RNF141: variants seen among roughly 807,000 people sequenced by gnomAD.
The protein encoded by RNF141 is ring finger protein 141, also known as C3HC4-like zinc finger protein.
Under a neutral mutation model 27.4 loss-of-function variants are expected in RNF141, and 18 were observed. The ratio of observed to expected loss-of-function variants is 0.66; its 90% confidence interval spans 0.45 to 0.97. RNF141 has a LOEUF of 0.97. Ranked by LOEUF, RNF141 falls within the 50% of genes least tolerant of loss-of-function variation. RNF141 has a pLI of 0.00. For missense variants in RNF141, 230 were observed against 279.4 expected (o/e 0.82, Z 1.26); for synonymous variants, 97 against 96.6 (o/e 1.00, Z -0.02).
chr11:10,515,209 C>A, intron 5 of RNF141, 143 bp from the exon 6 acceptor site: 1 of 890,254 alleles, frequency 1.1e-6, no homozygotes, highest in Non-Finnish European at 1.6e-6. Flanking sequence ...CCTCCTATCT[C>A]AATCTTCAAT....
intron 4 of RNF141, among the ~76,000 whole-genome samples, chr11:10,521,596 A>C (rs1275240218): frequency 6.6e-6 from 1 of 152,224 alleles, no homozygotes; most frequent in Admixed American, 6.5e-5. Context: ...AGTACTTAAA[A>C]TTTTGATTTG....
At chr11:10,515,138 C>T (rs1207983453) in intron 5 of RNF141, 72 bp from the exon 6 acceptor site, 15 of 1,467,792 alleles carry the variant, frequency 1.0e-5, no homozygotes, top group Non-Finnish European at 1.1e-5. Context: ...TAAAGTAATA[C>T]ATGCACATGG....
chr11:10,516,687 A>C (rs1156999516), intron 5 of RNF141: 1 of 152,292 alleles, frequency 6.6e-6, no homozygotes, highest in Non-Finnish European at 1.5e-5. Flanking sequence ...AGTCCCCTAA[A>C]GCTCACTGGG....
intron 3 of RNF141, 135 bp from the exon 4 acceptor site, chr11:10,525,508 G>A (rs982348499): frequency 4.8e-6 from 3 of 622,108 alleles, no homozygotes; most frequent in Non-Finnish European, 8.2e-6. Flanking sequence ...ACATAAGAAA[G>A]CAAGAGTCTG....
In RNF141 at chr11:10,519,051, C is replaced by G; in HGVS notation, c.525G>C (p.Gln175His). The G allele has an allele frequency of 6.2e-7, 1 of 1,613,836 alleles. No homozygotes were observed. The highest frequency in any genetic ancestry group is 8.5e-7 in the Non-Finnish European group (1 of 1,179,778). Reference sequence around the variant, plus strand: ...TAACTTACCATTTATCAATACACTTCTGACAAAAGCTGTGAGCACAAGGCA... The same window carrying G: ...TAACTTACCATTTATCAATACACTTGTGACAAAAGCTGTGAGCACAAGGCA... Reference protein sequence around the residue: ...LILPCAHSFCQKCIDKWSDRH... With the variant: ...LILPCAHSFCHKCIDKWSDRH... The change falls in exon 5 of 6, where the codon CAG becomes CAC. Residue 175 changes from glutamine to histidine, a missense_variant. Coordinates refer to ENST00000265981, the MANE Select transcript of RNF141 (RefSeq NM_016422.4).
At chr11:10,532,710 TAC>T (rs1306163226) in intron 2 of RNF141, among the ~76,000 whole-genome samples, 2 of 152,204 alleles carry the variant, frequency 1.3e-5, no homozygotes, top group African/African-American at 4.8e-5. Context: ...TCTAATATGT[TAC>T]AGATTGCTAA....
At chr11:10,525,884 C>G (rs1849932023) in intron 3 of RNF141, among the ~76,000 whole-genome samples, 1 of 152,000 alleles carries the variant, frequency 6.6e-6, no homozygotes, top group South Asian at 2.1e-4. Flanking sequence ...TGGACTTTTC[C>G]CAGAAGGCCA....
Position 10,512,198 on chromosome 11 carries a change from T to TAAA in RNF141, c.*2715_*2717dup. On this transcript the variant is annotated 3_prime_UTR_variant, in exon 6 of 6. Transcript: ENST00000265981. ...TAAGTACATTTAAGTACTTCATATTTAAAAAAGACAAAGCTGTACAGAATA... is the reference window on the plus strand; with the variant it reads ...TAAGTACATTTAAGTACTTCATATTTAAAAAAAAAGACAAAGCTGTACAGAATA... 1 of 152,688 alleles carries TAAA rather than the reference T, an allele frequency of 6.5e-6. No individual in the cohort carries two copies. The highest frequency in any genetic ancestry group is 6.5e-5 in the Admixed American group (1 of 15,292). 9.5% of individuals were successfully genotyped at this position (152,688 alleles called of 1,614,324 possible).
At chr11:10,533,612 T>C (rs1167563641) in intron 2 of RNF141, among the ~76,000 whole-genome samples, 1 of 152,044 alleles carries the variant, frequency 6.6e-6, no homozygotes, top group Non-Finnish European at 1.5e-5. Context: ...TACAGAAACC[T>C]TCTCAGTGTT....
intron 3 of RNF141, among the ~76,000 whole-genome samples, chr11:10,527,138 G>C (rs1849942894): frequency 6.6e-6 from 1 of 152,198 alleles, no homozygotes; most frequent in African/African-American, 2.4e-5. Flanking sequence ...AGTATTTATT[G>C]AGTACCATTA....
chr11:10,534,900 T>C (rs1406153831), intron 1 of RNF141, among the ~76,000 whole-genome samples: 1 of 152,146 alleles, frequency 6.6e-6, no homozygotes, highest in Non-Finnish European at 1.5e-5. Context: ...TAAAAAGACT[T>C]GTGGCTTGAA....
chr11:10,531,903 G>A (rs542289832), intron 2 of RNF141: 24 of 348,596 alleles, frequency 6.9e-5, no homozygotes, highest in Admixed American at 4.9e-4. Context: ...GCCAAGCTTC[G>A]TCCTGTATAG....
intron 4 of RNF141, 111 bp downstream of exon 4, chr11:10,525,081 G>GAAAAAAAACCACTGAGA (rs1554904293): frequency 3.1e-5 from 16 of 522,372 alleles, no homozygotes; most frequent in Non-Finnish European, 4.5e-5. Flanking sequence ...TACCAACTGA[G>GAAAAAAAACCACTGAGA]AAAAAAAAAA....
At chr11:10,521,725 T>C (rs1235512811) in intron 4 of RNF141, among the ~76,000 whole-genome samples, 2 of 152,198 alleles carry the variant, frequency 1.3e-5, no homozygotes, top group South Asian at 2.1e-4. Flanking sequence ...AGGATTTTAA[T>C]AGAAGACATT....
chr11:10,536,728 C>T (rs558943048), intron 1 of RNF141, among the ~76,000 whole-genome samples: 3 of 152,232 alleles, frequency 2.0e-5, no homozygotes, highest in Non-Finnish European at 4.4e-5. Flanking sequence ...CCTCCCAGGC[C>T]GAGGATTACA....
In RNF141 at chr11:10,539,701, A is replaced by ATATATATATATATATAC. The variant is rs10524171; in HGVS notation, c.-48+1420_-48+1421insGTATATATATATATATA. On this transcript the variant is annotated intron_variant, in intron 1 of 5. Transcript: ENST00000265981. ...AGAAAAAGATACATACATATATATT[A>ATATATATATATATATAC]GAGAGAGAAGGAGAGAGAAACTACA... 2.2e-4 allele frequency among the ~76,000 whole-genome samples: 7 copies of ATATATATATATATATAC among 31,466 alleles called. 1 individual carries two copies. Among genetic ancestry groups the ATATATATATATATATAC allele is most frequent in the Non-Finnish European group, 4.3e-4 (6 of 13,864 alleles). The allele number at this position is 31,466 out of a possible 152,430, so 20.6% of individuals were successfully genotyped here. A position where few individuals can be genotyped will look rare whatever the true frequency, so the allele number is the denominator to read the frequency against.
intron 1 of RNF141, among the ~76,000 whole-genome samples, chr11:10,538,203 G>A (rs1390788329): frequency 1.3e-5 from 2 of 152,132 alleles, no homozygotes; most frequent in African/African-American, 4.8e-5. Context: ...AACTGTACTT[G>A]GTATCTGGGA....
intron 4 of RNF141, among the ~76,000 whole-genome samples, chr11:10,521,163 A>G (rs2133967399): frequency 6.6e-6 from 1 of 152,318 alleles, no homozygotes; most frequent in East Asian, 1.9e-4. Context: ...ACCTTTGCAG[A>G]TGGTATTTTC....
At chr11:10,535,463 CA>C (rs34271797) in intron 1 of RNF141, among the ~76,000 whole-genome samples, 11,016 of 123,762 alleles carry the variant, frequency 0.089, 1,079 homozygotes, top group African/African-American at 0.27. Flanking sequence ...AGATCCAGGC[CA>C]AAAAAAAAAA....
Sources: allele counts gnomAD v4.1 joint callset (sites outside exome capture counted in the v4.1 genomes callset), GRCh38; gene constraint gnomAD v4.1.1; transcripts MANE v1.5; gene names NCBI Gene and HGNC (gene_info 2026-07-23, HGNC 2026-07-21).